The following DNM3 variants were observed in gnomAD, a reference collection of about 807,000 sequenced individuals.
DNM3 encodes the protein dynamin-3.
Under a neutral mutation model 101.6 loss-of-function variants are expected in DNM3, and 47 were observed. The observed-to-expected ratio is 0.46, with a 90% CI of 0.37 to 0.59. DNM3 has a LOEUF of 0.59. Among genes scored for constraint, DNM3 ranks in the 20% least tolerant of loss-of-function variants. The probability of loss-of-function intolerance (pLI) is 0.00; values close to 1 mark genes in which losing one functional copy is unlikely to be tolerated. For missense variants in DNM3, 849 were observed against 1,085.7 expected (o/e 0.78, Z 3.06); for synonymous variants, 385 against 387.9 (o/e 0.99, Z 0.09).
At chr1:172,134,293 A>G (rs1444708586) in intron 14 of DNM3, among the ~76,000 whole-genome samples, 3 of 152,164 alleles carry the variant, frequency 2.0e-5, no homozygotes, top group Non-Finnish European at 4.4e-5. Flanking sequence ...ATCATCATTG[A>G]GACTGAAAGC....
chr1:172,367,968 A>G (rs1421095288), intron 17 of DNM3, among the ~76,000 whole-genome samples: 8 of 151,836 alleles, frequency 5.3e-5, no homozygotes, highest in African/African-American at 1.9e-4. Flanking sequence ...TATAAGGGGC[A>G]TCCCCCTTTG....
At chr1:172,088,290 A>C (rs1572454152) in intron 12 of DNM3, among the ~76,000 whole-genome samples, 1 of 152,190 alleles carries the variant, frequency 6.6e-6, no homozygotes. Context: ...AAAAAGGCAT[A>C]ATTCAGGCAT....
downstream of DNM3, chr1:172,412,839 G>A: frequency 1.3e-6 from 1 of 765,902 alleles, no homozygotes; most frequent in Non-Finnish European, 1.6e-6. Flanking sequence ...AGTAAAGAAT[G>A]ATAGCATTTT....
At chr1:171,960,846 T>C (rs1421889735) in intron 2 of DNM3, among the ~76,000 whole-genome samples, 3 of 152,014 alleles carry the variant, frequency 2.0e-5, no homozygotes, top group Non-Finnish European at 4.4e-5. Context: ...GTAGTTAGAT[T>C]GTAGGTAAGA....
At chr1:172,016,918 G>A (rs994533422) in intron 4 of DNM3, among the ~76,000 whole-genome samples, 2 of 152,108 alleles carry the variant, frequency 1.3e-5, no homozygotes. Flanking sequence ...GGAGTGCAGT[G>A]TTTCAATCAT....
intron 14 of DNM3, among the ~76,000 whole-genome samples, chr1:172,237,379 G>A (rs565464529): frequency 2.0e-5 from 3 of 152,194 alleles, no homozygotes; most frequent in Non-Finnish European, 2.9e-5. Context: ...TGTTCCAGCC[G>A]TGCCTGGGCC....
At chr1:172,305,827 C>CA (rs2064780382) in intron 15 of DNM3, among the ~76,000 whole-genome samples, 1 of 152,120 alleles carries the variant, frequency 6.6e-6, no homozygotes, top group Non-Finnish European at 1.5e-5. Context: ...TGACTAAATT[C>CA]AACAGCCTTC....
chr1:172,172,530 T>G (rs1473587022), intron 14 of DNM3, among the ~76,000 whole-genome samples: 6 of 151,682 alleles, frequency 4.0e-5, no homozygotes, highest in Admixed American at 1.3e-4. Flanking sequence ...TTTTTGAAAT[T>G]TTTCATTTAA....
chr1:172,038,271 G>A, intron 6 of DNM3, 48 bp from the exon 7 acceptor site: 1 of 1,606,838 alleles, frequency 6.2e-7, no homozygotes, highest in South Asian at 1.1e-5. Context: ...TTTAATCTGT[G>A]TATATGATTC....
At chr1:172,401,722 T>C (rs1014051418) in intron 20 of DNM3, among the ~76,000 whole-genome samples, 3 of 152,200 alleles carry the variant, frequency 2.0e-5, no homozygotes, top group Admixed American at 6.5e-5. Flanking sequence ...TAGTATTGGC[T>C]CATTCTGTTG....
intron 1 of DNM3, among the ~76,000 whole-genome samples, chr1:171,852,454 G>A (rs1378235736): frequency 6.6e-6 from 1 of 152,228 alleles, no homozygotes; most frequent in African/African-American, 2.4e-5. Context: ...GGAATTGTGT[G>A]AGGCTCTGGT....
intron 13 of DNM3, among the ~76,000 whole-genome samples, chr1:172,104,794 T>C (rs1465947232): frequency 6.6e-6 from 1 of 152,166 alleles, no homozygotes; most frequent in Non-Finnish European, 1.5e-5. Flanking sequence ...ATTATTGACA[T>C]TTTTCCCTGT....
At chr1:172,275,291 A>G (rs1282208242) in intron 15 of DNM3, among the ~76,000 whole-genome samples, 1 of 152,058 alleles carries the variant, frequency 6.6e-6, no homozygotes, top group Admixed American at 6.6e-5. Flanking sequence ...CTGTGTGAAT[A>G]TACAGATGAT....
chr1:172,291,721 A>G (rs2063924206), intron 15 of DNM3, among the ~76,000 whole-genome samples: 1 of 152,150 alleles, frequency 6.6e-6, no homozygotes, highest in African/African-American at 2.4e-5. Flanking sequence ...TACCCATTTG[A>G]TAGTTGTAGT....
At chr1:172,171,277 G>T (rs1312840028) in intron 14 of DNM3, among the ~76,000 whole-genome samples, 2 of 151,566 alleles carry the variant, frequency 1.3e-5, no homozygotes, top group African/African-American at 4.8e-5. Context: ...CAACTATTTT[G>T]ACTTTTGGGG....
At chr1:171,978,954 A>G (rs1020517144) in intron 2 of DNM3, among the ~76,000 whole-genome samples, 1 of 152,294 alleles carries the variant, frequency 6.6e-6, no homozygotes, top group East Asian at 1.9e-4. Context: ...TGAGATGTGA[A>G]TTTAGAGGAT....
intron 1 of DNM3, among the ~76,000 whole-genome samples, chr1:171,849,069 GA>G (rs1229443984): frequency 6.6e-6 from 1 of 152,156 alleles, no homozygotes; most frequent in Admixed American, 6.5e-5. Context: ...TAGGTATCCT[GA>G]AGGACCTCAT....
At chr1:172,406,491 G>T (rs563269301) in intron 20 of DNM3, among the ~76,000 whole-genome samples, 25 of 152,080 alleles carry the variant, frequency 1.6e-4, no homozygotes, top group African/African-American at 4.6e-4. Flanking sequence ...CCTCCCCAAA[G>T]AAAGATTTCC....
chr1:172,200,607 T>C (rs1313607776), intron 14 of DNM3, among the ~76,000 whole-genome samples: 1 of 152,198 alleles, frequency 6.6e-6, no homozygotes, highest in Admixed American at 6.5e-5. Flanking sequence ...CATCCCTTTT[T>C]ATTCTTTAAT....
Sources: gnomAD v4.1 joint callset for allele counts (sites outside exome capture counted in the v4.1 genomes callset) on GRCh38, gnomAD v4.1.1 for gene constraint, MANE v1.5 for transcripts, NCBI Gene and HGNC (gene_info 2026-07-23, HGNC 2026-07-21) for gene names.